Variants in TM9SF2 observed in about 807,000 individuals in gnomAD.
TM9SF2 encodes the protein transmembrane 9 superfamily member 2.
TM9SF2 carries 13 observed loss-of-function variants against 84.9 expected under a neutral mutation model. The ratio of observed to expected loss-of-function variants is 0.15; its 90% confidence interval spans 0.10 to 0.24. TM9SF2 has a LOEUF of 0.24. Among genes scored for constraint, TM9SF2 ranks in the 10% least tolerant of loss-of-function variants. The pLI is 1.00. For missense variants in TM9SF2, 562 were observed against 818.5 expected (o/e 0.69, Z 3.82); for synonymous variants, 273 against 285.8 (o/e 0.96, Z 0.45).
At chr13:99,546,926 TTTC>T in intron 10 of TM9SF2, 56 bp from the exon 11 acceptor site, 1 of 1,602,216 alleles carries the variant, frequency 6.2e-7, no homozygotes, top group Non-Finnish European at 8.5e-7. Flanking sequence ...TTCTCTATCA[TTTC>T]ACAGCAAAGG....
intron 7 of TM9SF2, 89 bp downstream of exon 7, chr13:99,539,646 G>C: frequency 1.1e-6 from 1 of 880,638 alleles, no homozygotes; most frequent in Non-Finnish European, 1.8e-6. Context: ...GATTATGCTT[G>C]TCAAATAAAG....
At chr13:99,527,223 A>T (rs1050395089) in intron 3 of TM9SF2, among the ~76,000 whole-genome samples, 2 of 152,086 alleles carry the variant, frequency 1.3e-5, no homozygotes, top group African/African-American at 4.8e-5. Context: ...GCATAATGGG[A>T]TTAGTCCTGC....
rs1372387791 is a variant in TM9SF2 at position 99,537,725 on chromosome 13, G to A, written c.592-14G>A. On this transcript the variant is annotated splice_polypyrimidine_tract_variant and intron_variant, in intron 5 of 16. Coordinates refer to ENST00000376387, the MANE Select transcript of TM9SF2 (RefSeq NM_004800.3). ...TCAGTTTTCTACCTTTAACTTTTAA[G>A]TTCTGTTCTGCAGTCAGATTTCCAT... The A allele has an allele frequency of 3.1e-6, 5 of 1,589,524 alleles. No individual in the cohort carries two copies. Among genetic ancestry groups the A allele is most frequent in the Non-Finnish European group, 4.3e-6 (5 of 1,173,562 alleles).
At chr13:99,560,416 G>C (rs1245239328) in intron 16 of TM9SF2, among the ~76,000 whole-genome samples, 1 of 152,130 alleles carries the variant, frequency 6.6e-6, no homozygotes, top group African/African-American at 2.4e-5. Flanking sequence ...GATCAGACAT[G>C]GTGGGGTGCG....
At chr13:99,525,871 G>A (rs538357285) in intron 3 of TM9SF2, among the ~76,000 whole-genome samples, 49 of 152,264 alleles carry the variant, frequency 3.2e-4, no homozygotes, top group Middle Eastern at 3.4e-3. Context: ...ACTTGTGATA[G>A]ATCTTTAAGC....
chr13:99,519,590 G>A (rs928630672), intron 2 of TM9SF2: 2 of 157,094 alleles, frequency 1.3e-5, no homozygotes, highest in African/African-American at 2.4e-5. Flanking sequence ...TCACATATTG[G>A]GATGTGTTGG....
At chr13:99,558,560 T>C (rs2046333043) in intron 15 of TM9SF2, among the ~76,000 whole-genome samples, 1 of 152,242 alleles carries the variant, frequency 6.6e-6, no homozygotes, top group Non-Finnish European at 1.5e-5. Flanking sequence ...GTTGAATTTA[T>C]TCCTAGGTAT....
At chr13:99,539,645 T>G in intron 7 of TM9SF2, 88 bp downstream of exon 7, 1 of 900,094 alleles carries the variant, frequency 1.1e-6, no homozygotes, top group Non-Finnish European at 1.8e-6. Flanking sequence ...TGATTATGCT[T>G]GTCAAATAAA....
chr13:99,509,043 CAAGG>C (rs758838377), intron 1 of TM9SF2, among the ~76,000 whole-genome samples: 2 of 152,166 alleles, frequency 1.3e-5, no homozygotes, highest in Non-Finnish European at 2.9e-5. Flanking sequence ...TCATTTGAGA[CAAGG>C]AAAGTCCCTT....
In TM9SF2 at chr13:99,561,761, A is replaced by T. The variant is rs75072274; in HGVS notation, c.1925-930A>T. Among the ~76,000 whole-genome samples the T allele has an allele frequency of 3.8e-3, 573 of 152,388 alleles. 4 individuals are homozygous for T. Among genetic ancestry groups the T allele is most frequent in the African/African-American group, 0.013 (538 of 41,592 alleles). On this transcript the variant is annotated intron_variant, in intron 16 of 16. Transcript: ENST00000376387. ...TATTGGGACTTTAAATGTAAAATTTATACAAGGATTATTTATAGTCCCTTA... is the reference window on the plus strand; with the variant it reads ...TATTGGGACTTTAAATGTAAAATTTTTACAAGGATTATTTATAGTCCCTTA...
At position 99,546,969 on chromosome 13, in the gene TM9SF2, A is replaced by G. The variant is rs2046285425; in HGVS notation, c.1151-16A>G. ...AGAGTAATAACATGTACAGCCTTTCACGATTTGTGTTTTAGTTTTCGCTTG... is the reference window on the plus strand; with the variant it reads ...AGAGTAATAACATGTACAGCCTTTCGCGATTTGTGTTTTAGTTTTCGCTTG... On this transcript the variant is annotated splice_polypyrimidine_tract_variant and intron_variant, in intron 10 of 16. Transcript: ENST00000376387. 2 of 1,613,968 alleles carry G rather than the reference A, an allele frequency of 1.2e-6. No individual in the cohort carries two copies. The highest frequency in any genetic ancestry group is 1.1e-5 in the South Asian group (1 of 91,072).
At chr13:99,555,470 G>A in intron 14 of TM9SF2, 66 bp from the exon 15 acceptor site, 2 of 1,200,710 alleles carry the variant, frequency 1.7e-6, no homozygotes, top group South Asian at 1.3e-5. Flanking sequence ...AGAATGAAAA[G>A]ATTGTGTTAT....
intron 13 of TM9SF2, among the ~76,000 whole-genome samples, chr13:99,553,581 T>G (rs1229329524): frequency 6.6e-6 from 1 of 152,224 alleles, no homozygotes; most frequent in Admixed American, 6.5e-5. Flanking sequence ...TAATCTAGTC[T>G]GTGGAAGTAT....
At chr13:99,510,640 CATT>C (rs1383265763) in intron 1 of TM9SF2, among the ~76,000 whole-genome samples, 3 of 152,288 alleles carry the variant, frequency 2.0e-5, no homozygotes, top group Admixed American at 6.5e-5. Flanking sequence ...CACAAGAACT[CATT>C]ATCAGGAGGA....
chr13:99,562,228 T>C lies in TM9SF2; in HGVS notation c.1925-463T>C, dbSNP rs532383598. On this transcript the variant is annotated intron_variant, in intron 16 of 16. Transcript: ENST00000376387. ...TCACTTTTAACATTTTGTAAAAACT[T>C]ACTGAGTTATTTTATTATAATTCTT... 2.6e-5 allele frequency among the ~76,000 whole-genome samples: 4 copies of C among 152,362 alleles called. No homozygotes were observed. In the East Asian group the frequency reaches 7.7e-4, roughly 29 times the overall value.
At chr13:99,517,705 A>G (rs2046140667) in intron 2 of TM9SF2, 24 bp downstream of exon 2, 4 of 1,537,108 alleles carry the variant, frequency 2.6e-6, no homozygotes, top group Non-Finnish European at 3.5e-6. Flanking sequence ...CTTGGCTTTT[A>G]TATAAAATTT....
intron 6 of TM9SF2, 116 bp from the exon 7 acceptor site, chr13:99,539,330 G>A: frequency 1.5e-6 from 1 of 687,354 alleles, no homozygotes; most frequent in Non-Finnish European, 2.6e-6. Context: ...AGTGTGACAT[G>A]AATAATTTCA....
intron 1 of TM9SF2, 76 bp from the exon 2 acceptor site, chr13:99,517,538 T>C: frequency 1.0e-6 from 1 of 969,750 alleles, no homozygotes; most frequent in Non-Finnish European, 1.5e-6. Flanking sequence ...TGTCAAATTC[T>C]TTTTTAATTC....
chr13:99,530,712 C>G (rs148234107), intron 4 of TM9SF2, among the ~76,000 whole-genome samples: 87 of 152,282 alleles, frequency 5.7e-4, no homozygotes, highest in African/African-American at 2.0e-3. Flanking sequence ...AAATAAAACG[C>G]TTACATTTTG....
Sources: allele counts gnomAD v4.1 joint callset (sites outside exome capture counted in the v4.1 genomes callset), GRCh38; gene constraint gnomAD v4.1.1; transcripts MANE v1.5; gene names NCBI Gene and HGNC (gene_info 2026-07-23, HGNC 2026-07-21).